The following CFAP54 variants were observed in gnomAD, a reference collection of about 807,000 sequenced individuals.
CFAP54 encodes the protein cilia and flagella associated protein 54.
CFAP54 carries 290 observed loss-of-function variants against 370.4 expected under a neutral mutation model. The ratio of observed to expected loss-of-function variants is 0.78; its 90% CI spans 0.71 to 0.86. The LOEUF is 0.86. Among genes scored for constraint, CFAP54 ranks in the 40% least tolerant of loss-of-function variants. CFAP54 has a pLI of 0.00. For missense variants in CFAP54, 3,399 were observed against 3,528.7 expected (o/e 0.96, Z 0.93); for synonymous variants, 1,206 against 1,236.5 (o/e 0.98, Z 0.52).
chr12:96,647,472 CAAAAAAAAA>C (rs57089692), intron 33 of CFAP54, among the ~76,000 whole-genome samples: 1 of 40,756 alleles, frequency 2.5e-5, no homozygotes, highest in Non-Finnish European at 4.2e-5. Flanking sequence ...GACTCTGTCC[CAAAAAAAAA>C]AAAAAAAAAA....
intron 50 of CFAP54, among the ~76,000 whole-genome samples, chr12:96,721,233 C>G (rs1957749215): frequency 1.3e-5 from 2 of 152,108 alleles, no homozygotes; most frequent in Non-Finnish European, 2.9e-5. Context: ...ATATTAAAAA[C>G]AAACCTATTT....
At chr12:96,795,510 G>A (rs148239788) in intron 63 of CFAP54, among the ~76,000 whole-genome samples, 138 of 151,930 alleles carry the variant, frequency 9.1e-4, no homozygotes, top group African/African-American at 3.0e-3. Flanking sequence ...TTACGTTCTC[G>A]GGGAGATTAT....
Position 96,564,702 on chromosome 12 carries a change from G to A in CFAP54, c.2556G>A (p.Met852Ile). 2 of 633,830 alleles carry A rather than the reference G, an allele frequency of 3.2e-6. No homozygotes were observed. The highest frequency in any genetic ancestry group is 2.8e-5 in the East Asian group (1 of 35,284). 39.3% of individuals were successfully genotyped at this position (633,830 alleles called of 1,614,324 possible). A position where few individuals can be genotyped will look rare whatever the true frequency, so the allele number is the denominator to read the frequency against. The change falls in exon 19 of 68, where the codon ATG becomes ATA. Residue 852 changes from methionine (M) to isoleucine (I), a missense_variant. Around this residue, in one of 3 missense-constraint regions of CFAP54, gnomAD observed 2,796 missense variants for 2,869.7 expected, o/e 0.97. Transcript: ENST00000524981. Reference sequence around the variant, plus strand: ...CATTATCCAAAGCAATTTACTTAATGCAGAAAGCTCTTTTAATATTCGAGA... The same window carrying A: ...CATTATCCAAAGCAATTTACTTAATACAGAAAGCTCTTTTAATATTCGAGA... ...KNTLSKAIYL[M>I]QKALLIFEKD...
intron 66 of CFAP54, among the ~76,000 whole-genome samples, chr12:96,842,435 C>T (rs34443): frequency 0.15 from 22,127 of 152,084 alleles, 1,975 homozygotes; most frequent in Middle Eastern, 0.27. Context: ...AATTCCACCC[C>T]CTCCTTAACT....
intron 1 of CFAP54, among the ~76,000 whole-genome samples, chr12:96,492,224 A>G (rs1954892371): frequency 6.6e-6 from 1 of 152,044 alleles, no homozygotes; most frequent in Non-Finnish European, 1.5e-5. Context: ...AATCTTATCT[A>G]AAGTCTTTCT....
At chr12:96,502,556 C>T (rs1955042691) in intron 2 of CFAP54, among the ~76,000 whole-genome samples, 1 of 151,906 alleles carries the variant, frequency 6.6e-6, no homozygotes, top group African/African-American at 2.4e-5. Flanking sequence ...CAAGTTAGAG[C>T]AGAAAAGATT....
intron 66 of CFAP54, among the ~76,000 whole-genome samples, chr12:96,833,382 G>T (rs554831205): frequency 1.3e-5 from 2 of 152,236 alleles, no homozygotes; most frequent in Admixed American, 1.3e-4. Flanking sequence ...ATAGAACATT[G>T]GTATAGATAC....
chr12:96,806,551 A>T (rs1284317888), intron 63 of CFAP54, among the ~76,000 whole-genome samples: 4 of 152,052 alleles, frequency 2.6e-5, no homozygotes, highest in South Asian at 2.1e-4. Flanking sequence ...CCAAACAAAC[A>T]AGCTGTGCAT....
intron 15 of CFAP54, among the ~76,000 whole-genome samples, chr12:96,551,018 A>G (rs553762943): frequency 6.6e-5 from 10 of 152,218 alleles, no homozygotes; most frequent in East Asian, 1.9e-4. Flanking sequence ...CTTTTATCCT[A>G]GCCCTTTGGG....
At chr12:96,494,899 G>A (rs571644771) in intron 1 of CFAP54, among the ~76,000 whole-genome samples, 1 of 151,962 alleles carries the variant, frequency 6.6e-6, no homozygotes, top group Non-Finnish European at 1.5e-5. Context: ...GCTAATTTTT[G>A]TATTTTTAGT....
intron 66 of CFAP54, among the ~76,000 whole-genome samples, chr12:96,858,827 T>C (rs527597533): frequency 6.6e-6 from 1 of 152,264 alleles, no homozygotes; most frequent in African/African-American, 2.4e-5. Flanking sequence ...TCCAGAGCAA[T>C]TTACAGATTC....
intron 39 of CFAP54, among the ~76,000 whole-genome samples, chr12:96,673,146 G>A (rs577786025): frequency 2.1e-4 from 32 of 152,166 alleles, no homozygotes; most frequent in Non-Finnish European, 3.7e-4. Context: ...AATTTATTGA[G>A]CTGGAACTAT....
At chr12:96,849,301 A>G (rs1011449366) in intron 66 of CFAP54, among the ~76,000 whole-genome samples, 20 of 152,330 alleles carry the variant, frequency 1.3e-4, no homozygotes, top group African/African-American at 4.3e-4. Context: ...AAGGAGGCAA[A>G]GTTAAATCCA....
At position 96,494,721 on chromosome 12, in the gene CFAP54, GTTA is replaced by G. The variant is rs540519185; in HGVS notation, c.317+4813_317+4815del. On this transcript the variant is annotated intron_variant, in intron 1 of 67. Transcript: ENST00000524981. ...GCTTTTATAATATATTTGACAGATG[GTTA>G]TTATTATTATTATTATTTTTTGAGA... Among the ~76,000 whole-genome samples, 10 of 151,834 alleles carry G rather than the reference GTTA, an allele frequency of 6.6e-5. No homozygotes were observed. The East Asian group carries it at 1.6e-3, about 24-fold the overall frequency.
In CFAP54 at chr12:96,580,837, A is replaced by G. The variant is rs1040898815; in HGVS notation, c.2890-83A>G. On this transcript the variant is annotated intron_variant, in intron 21 of 67. Transcript: ENST00000524981. ...AATGAAAGAAAAAGGTTTTTTTTTA[A>G]TAGAAGGTTTACTTAATTGTATTTT... The G allele has an allele frequency of 4.2e-6, 5 of 1,188,032 alleles. No individual in the cohort carries two copies. In the South Asian group the frequency reaches 7.9e-5, roughly 19 times the overall value. 73.6% of individuals were successfully genotyped at this position (1,188,032 alleles called of 1,614,324 possible).
At chr12:96,534,035 T>G in intron 10 of CFAP54, 27 bp from the exon 11 acceptor site, 1 of 1,502,876 alleles carries the variant, frequency 6.7e-7, no homozygotes, top group East Asian at 2.5e-5. Flanking sequence ...CAATTACTAA[T>G]TAACGTGTGG....
At chr12:96,696,113 A>G (rs1957437789) in intron 45 of CFAP54, among the ~76,000 whole-genome samples, 1 of 152,194 alleles carries the variant, frequency 6.6e-6, no homozygotes, top group Admixed American at 6.5e-5. Flanking sequence ...GAAAAAGGGA[A>G]CATTTCTTGG....
intron 66 of CFAP54, among the ~76,000 whole-genome samples, chr12:96,848,678 CAG>C (rs1158060676): frequency 6.6e-6 from 1 of 152,064 alleles, no homozygotes; most frequent in Non-Finnish European, 1.5e-5. Context: ...AGCCTGGCAA[CAG>C]AACGAGACTC....
rs979605937 is a variant in CFAP54 at position 96,580,628 on chromosome 12, C to A, written c.2828C>A (p.Ala943Glu). 2 of 1,525,970 alleles carry A rather than the reference C, an allele frequency of 1.3e-6. No individual in the cohort carries two copies. Among genetic ancestry groups the A allele is most frequent in the Non-Finnish European group, 1.8e-6 (2 of 1,141,926 alleles). 94.5% of individuals were successfully genotyped at this position (1,525,970 alleles called of 1,614,324 possible). The change falls in exon 21 of 68, where the codon GCA becomes GAA. Residue 943 changes from alanine to glutamate, a missense_variant. Ala to Glu is a moderately radical substitution (Grantham distance 107, BLOSUM62 -1). This residue lies in a region of CFAP54 where 2,796 missense variants were observed against 2,869.7 expected (regional missense o/e 0.97). Coordinates refer to ENST00000524981, the MANE Select transcript of CFAP54 (RefSeq NM_001306084.2). ...TGGTACTGCATTTTGGGTTGCAAAG[C>A]AGAAGGAAGTTATGGAAAAGTACGG... ...VSWYCILGCKAEGSYGKVRLN... is the reference protein window; with the variant it reads ...VSWYCILGCKEEGSYGKVRLN...
Sources: gnomAD v4.1 joint callset for allele counts (sites outside exome capture counted in the v4.1 genomes callset) on GRCh38, gnomAD v4.1.1 for gene constraint, gnomAD v4.1.1 regional missense constraint, MANE v1.5 for transcripts, NCBI Gene and HGNC (gene_info 2026-07-23, HGNC 2026-07-21) for gene names.